The following TEX35 variants were observed in gnomAD, a reference collection of about 807,000 sequenced individuals.
The protein encoded by TEX35 is testis expressed 35.
Under a neutral mutation model 31.9 loss-of-function variants are expected in TEX35, and 26 were observed. The observed-to-expected ratio is 0.81, with a 90% confidence interval of 0.60 to 1.13. TEX35 has a LOEUF of 1.13. Among genes scored for constraint, TEX35 ranks in the 50% most tolerant of loss-of-function variants. The pLI, the probability that TEX35 is intolerant of heterozygous loss-of-function variation, is 0.00. For missense variants in TEX35, 278 were observed against 273.5 expected (o/e 1.02, Z -0.12); for synonymous variants, 87 against 90.7 (o/e 0.96, Z 0.23).
intron 5 of TEX35, among the ~76,000 whole-genome samples, chr1:178,518,283 G>C (rs1394590805): frequency 6.6e-6 from 1 of 151,974 alleles, no homozygotes; most frequent in Non-Finnish European, 1.5e-5. Flanking sequence ...GTGCAAATTT[G>C]TACAAAACTG....
intron 5 of TEX35, among the ~76,000 whole-genome samples, chr1:178,519,272 C>T (rs1408047249): frequency 1.3e-5 from 2 of 152,166 alleles, no homozygotes; most frequent in African/African-American, 4.8e-5. Context: ...AATATGGAGA[C>T]TGAAGTCTTG....
At chr1:178,515,701 C>T (rs1031118038) in intron 3 of TEX35, among the ~76,000 whole-genome samples, 158 bp from the exon 4 acceptor site, 1 of 152,172 alleles carries the variant, frequency 6.6e-6, no homozygotes, top group Non-Finnish European at 1.5e-5. Context: ...GCCAGTGCAC[C>T]TGGTCTATCC....
chr1:178,520,489 C>T (rs1242870479), intron 6 of TEX35, 53 bp downstream of exon 6: 1 of 1,614,016 alleles, frequency 6.2e-7, no homozygotes, highest in Non-Finnish European at 8.5e-7. Flanking sequence ...CTCCTCCCTT[C>T]CCTTTGTTGG....
Position 178,513,221 on chromosome 1 carries a change from A to G in TEX35, c.33A>G (p.Thr11=). 6.2e-7 allele frequency: 1 copy of G among 1,614,222 alleles called. No individual in the cohort carries two copies. Among genetic ancestry groups the G allele is most frequent in the African/African-American group, 1.3e-5 (1 of 75,062 alleles). MSAKRAELKK[T]HLSKNYKAVC... is the part of the protein sequence containing the mutation. ...CCAAGAGGGCAGAATTGAAGAAAAC[A>G]CATCTGGTAAAAGAGAGACATTGCT... The change falls in exon 1 of 9, where the codon ACA becomes ACG. Residue 11 remains threonine (T), a synonymous_variant. Coordinates refer to ENST00000319416, the MANE Select transcript of TEX35 (RefSeq NM_032126.5).
At chr1:178,513,324 A>G in intron 1 of TEX35, 97 bp downstream of exon 1, 1 of 1,474,810 alleles carries the variant, frequency 6.8e-7, no homozygotes, top group Non-Finnish European at 9.4e-7. Flanking sequence ...TGCTCGCATG[A>G]ATCTCTGGTT....
intron 4 of TEX35, 148 bp downstream of exon 4, chr1:178,516,063 A>T: frequency 1.5e-6 from 1 of 685,578 alleles, no homozygotes; most frequent in Non-Finnish European, 2.5e-6. Context: ...GTATTAGGTT[A>T]TTCACTTCTT....
chr1:178,520,645 C>G lies in TEX35; in HGVS notation c.342-28C>G. On this transcript the variant is annotated intron_variant, in intron 6 of 8. Coordinates refer to ENST00000319416, the MANE Select transcript of TEX35 (RefSeq NM_032126.5). ...TGCTGCAAAATGTCTCCCCAACTCT[C>G]TGCCCCTCCCTGGCCCTCCTCCCCC... 1.9e-6 allele frequency: 3 copies of G among 1,609,804 alleles called. No homozygotes were observed. In the South Asian group the frequency reaches 3.3e-5, roughly 18 times the overall value.
Position 178,520,445 on chromosome 1 carries a change from A to G in TEX35, c.341+9A>G. ...CAGAAGAACTATAAGCTGTAAGTGTAACCTGCACTCGTCTCTCCTCATCCC... is the reference window on the plus strand; with the variant it reads ...CAGAAGAACTATAAGCTGTAAGTGTGACCTGCACTCGTCTCTCCTCATCCC... On this transcript the variant is annotated intron_variant, in intron 6 of 8. Coordinates refer to ENST00000319416, the MANE Select transcript of TEX35 (RefSeq NM_032126.5). The G allele has an allele frequency of 6.2e-7, 1 of 1,614,180 alleles. No individual in the cohort carries two copies. The highest frequency in any genetic ancestry group is 8.5e-7 in the Non-Finnish European group (1 of 1,180,030).
chr1:178,521,729 C>A (rs1650290259), intron 8 of TEX35: 1 of 1,551,822 alleles, frequency 6.4e-7, no homozygotes, highest in Non-Finnish European at 8.7e-7. Flanking sequence ...CCTTAAGATG[C>A]ACAGTCAGGG....
intron 3 of TEX35, among the ~76,000 whole-genome samples, 155 bp from the exon 4 acceptor site, chr1:178,515,704 G>A (rs894085515): frequency 6.6e-6 from 1 of 152,144 alleles, no homozygotes; most frequent in African/African-American, 2.4e-5. Flanking sequence ...AGTGCACCTG[G>A]TCTATCCTAT....
At chr1:178,514,905 G>A (rs1240037764) in intron 3 of TEX35, 137 bp downstream of exon 3, 1 of 715,312 alleles carries the variant, frequency 1.4e-6, no homozygotes, top group African/African-American at 1.8e-5. Flanking sequence ...AAATCCAGAA[G>A]TTAACACACA....
downstream of TEX35, chr1:178,523,299 T>C (rs373644832): frequency 1.4e-6 from 1 of 701,890 alleles, no homozygotes; most frequent in African/African-American, 1.7e-5. Context: ...TTCTTTCTTG[T>C]AGGTATATAC....
Position 178,521,240 on chromosome 1 carries a change from G to A in TEX35, c.562G>A (p.Ala188Thr). The change falls in exon 8 of 9, where the codon GCT (alanine) becomes ACT (threonine). Residue 188 changes from alanine (A) to threonine (T), a missense_variant. Physicochemically the swap from Ala to Thr is moderately conservative, Grantham distance 58. Transcript: ENST00000319416. ...GTCCEKCLLCALKNNYNRGNI... is the reference protein window; with the variant it reads ...GTCCEKCLLCTLKNNYNRGNI... ...TCTGCAGGAGAAATGTTTGTTGTGT[G>A]CTCTAAAGAACAACTACAATCGGGG... The A allele has an allele frequency of 6.2e-7, 1 of 1,614,186 alleles. No homozygotes were observed. Among genetic ancestry groups the A allele is most frequent in the Non-Finnish European group, 8.5e-7 (1 of 1,180,026 alleles).
At chr1:178,514,424 G>C (rs970768431) in intron 2 of TEX35, among the ~76,000 whole-genome samples, 12 of 152,190 alleles carry the variant, frequency 7.9e-5, no homozygotes, top group African/African-American at 2.9e-4. Flanking sequence ...CTTCTAGGCA[G>C]AGGAGGCAGC....
chr1:178,514,329 C>T (rs949163249), intron 2 of TEX35: 13 of 1,319,976 alleles, frequency 9.8e-6, no homozygotes, highest in African/African-American at 7.4e-5. Flanking sequence ...GAGTGGCTGC[C>T]GTGGAGTGGG....
intron 7 of TEX35, 76 bp from the exon 8 acceptor site, chr1:178,521,146 G>A (rs1415759124): frequency 1.9e-6 from 3 of 1,609,786 alleles, no homozygotes; most frequent in Non-Finnish European, 2.6e-6. Context: ...AGCAAGGGCA[G>A]ATAAGGTGCC....
intron 8 of TEX35, chr1:178,521,602 C>T: frequency 6.5e-7 from 1 of 1,549,906 alleles, no homozygotes; most frequent in South Asian, 1.2e-5. Flanking sequence ...TCACCCTTGG[C>T]TTCTGGAGCT....
chr1:178,514,292 T>A, intron 2 of TEX35: 1 of 1,453,308 alleles, frequency 6.9e-7, no homozygotes, highest in Non-Finnish European at 9.2e-7. Flanking sequence ...CCTGCTCTGC[T>A]GGGAATCAAG....
At chr1:178,523,016 A>C (rs1197182488), downstream of TEX35, among the ~76,000 whole-genome samples, 1 of 151,990 alleles carries the variant, frequency 6.6e-6, no homozygotes, top group East Asian at 1.9e-4. Context: ...CATTGTTTTC[A>C]TTTTTAGATC....
Sources: allele counts gnomAD v4.1 joint callset (sites outside exome capture counted in the v4.1 genomes callset), GRCh38; gene constraint gnomAD v4.1.1; transcripts MANE v1.5; gene names NCBI Gene and HGNC (gene_info 2026-07-23, HGNC 2026-07-21).